PUM2: variants seen among roughly 807,000 people sequenced by gnomAD.
The protein encoded by PUM2 is pumilio homolog 2.
PUM2 carries 57 observed loss-of-function variants against 124.5 expected under a neutral mutation model. That is an observed-to-expected ratio of 0.46 (90% confidence interval 0.37 to 0.57). PUM2 has a LOEUF of 0.57. Ranked by LOEUF, PUM2 falls within the 20% of genes least tolerant of loss-of-function variation. The probability of loss-of-function intolerance (pLI) is 0.00; values close to 1 mark genes in which losing one functional copy is unlikely to be tolerated. For missense variants in PUM2, 1,065 were observed against 1,290.6 expected, an observed-to-expected ratio of 0.83 and a Z score of 2.68; for synonymous variants, 460 against 446.1, an observed-to-expected ratio of 1.03 and a Z score of -0.39.
intron 1 of PUM2, among the ~76,000 whole-genome samples, chr2:20,336,746 ATCTGTGTGTGTG>A (rs1316869443): frequency 2.3e-4 from 20 of 87,380 alleles, no homozygotes; most frequent in African/African-American, 7.7e-4. Flanking sequence ...GCCCAGGCTG[ATCTGTGTGTGTG>A]TGTGTGTGTG....
chr2:20,327,216 AT>A, intron 2 of PUM2, 93 bp downstream of exon 2: 1 of 826,732 alleles, frequency 1.2e-6, no homozygotes. Context: ...TATGACCACT[AT>A]TTCCAGGAAG....
At chr2:20,334,191 A>C (rs1156328884) in intron 1 of PUM2, among the ~76,000 whole-genome samples, 1 of 152,158 alleles carries the variant, frequency 6.6e-6, no homozygotes. Context: ...ATGCACCTGT[A>C]GTCCCAGCTA....
At chr2:20,350,373 G>A (rs891235254) in intron 1 of PUM2, 14 of 737,564 alleles carry the variant, frequency 1.9e-5, no homozygotes, top group South Asian at 6.1e-5. Context: ...GCGGGAAAGC[G>A]GCCGGCGCGG....
intron 3 of PUM2, among the ~76,000 whole-genome samples, chr2:20,317,335 T>C (rs1451935291): frequency 6.6e-6 from 1 of 152,186 alleles, no homozygotes; most frequent in East Asian, 1.9e-4. Context: ...ACTTATGAAG[T>C]TGAAATCAAA....
At chr2:20,329,299 G>C (rs571514333) in intron 1 of PUM2, among the ~76,000 whole-genome samples, 1 of 151,542 alleles carries the variant, frequency 6.6e-6, no homozygotes, top group South Asian at 2.1e-4. Flanking sequence ...TGTTTCGGTA[G>C]GGCATGCCTA....
intron 7 of PUM2, among the ~76,000 whole-genome samples, chr2:20,305,048 T>C (rs1677886465): frequency 6.6e-6 from 1 of 152,220 alleles, no homozygotes. Context: ...GGAATTGAGT[T>C]AAAATGTGGG....
chr2:20,327,511 G>A (rs1220204558), intron 1 of PUM2, 133 bp from the exon 2 acceptor site: 1 of 588,436 alleles, frequency 1.7e-6, no homozygotes, highest in African/African-American at 1.9e-5. Flanking sequence ...TTTCTGTAGG[G>A]AAGACAGGTT....
At position 20,311,614 on chromosome 2, in the gene PUM2, C is replaced by T; in HGVS notation, c.398G>A (p.Gly133Asp). 1.2e-6 allele frequency: 2 copies of T among 1,613,496 alleles called. No individual in the cohort carries two copies. The highest frequency in any genetic ancestry group is 1.7e-6 in the Non-Finnish European group (2 of 1,179,666). Residue 133 changes from glycine to aspartate, a missense_variant, in exon 5 of 21, where the codon GGC (glycine) becomes GAC (aspartate). By Grantham distance (94) the Gly-to-Asp change is moderately conservative. Transcript: ENST00000361078. Reference sequence around the variant, plus strand: ...GTCCTCCTCAAATGGAGAAGCCTTGCCTTTTTGATCTCCTTTCTCAGGTCC... The same window carrying T: ...GTCCTCCTCAAATGGAGAAGCCTTGTCTTTTTGATCTCCTTTCTCAGGTCC... ...TDGPEKGDQK[G>D]KASPFEEDQN... is the part of the protein sequence containing the mutation.
At position 20,251,414 on chromosome 2, in the gene PUM2, C is replaced by T. The variant is rs571002953; in HGVS notation, c.*171G>A. 3 of 770,296 alleles carry T rather than the reference C, an allele frequency of 3.9e-6. No homozygotes were observed. The highest frequency in any genetic ancestry group is 5.9e-5 in the East Asian group (2 of 33,642). The allele number at this position is 770,296 out of a possible 1,614,324, so 47.7% of individuals were successfully genotyped here. The stretch of plus-strand genomic sequence containing the variant: ...AATTTATAATTCATCCCCCACCCCC[C>T]AAATATACACAAGAACCTTAAAAAA... On this transcript the variant is annotated 3_prime_UTR_variant, in exon 21 of 21. Coordinates refer to ENST00000361078, the MANE Select transcript of PUM2 (RefSeq NM_015317.5).
At chr2:20,324,667 G>A (rs1462814505) in intron 2 of PUM2, among the ~76,000 whole-genome samples, 1 of 152,104 alleles carries the variant, frequency 6.6e-6, no homozygotes, top group Non-Finnish European at 1.5e-5. Context: ...AAATCAGTAG[G>A]TCTTTCGACA....
intron 8 of PUM2, among the ~76,000 whole-genome samples, chr2:20,296,732 C>T (rs1675694941): frequency 6.6e-6 from 1 of 152,080 alleles, no homozygotes. Context: ...TAAACAATGC[C>T]TCAGACTAAC....
At position 20,318,610 on chromosome 2, in the gene PUM2, A is replaced by G; in HGVS notation, c.87T>C (p.Asp29=). The part of the protein sequence containing the change: ...LPTKKFWEPD[D]STKDGQKGIF... ...TGCCTTTTTGTCCATCTTTTGTTGA[A>G]TCATCAGGTTCCCAAAACTTTTTGG... The change falls in exon 3 of 21, where the codon GAT becomes GAC. Residue 29 remains aspartate, a synonymous_variant. Coordinates refer to ENST00000361078, the MANE Select transcript of PUM2 (RefSeq NM_015317.5). The G allele has an allele frequency of 6.2e-7, 1 of 1,613,648 alleles. No homozygotes were observed. The highest frequency in any genetic ancestry group is 8.5e-7 in the Non-Finnish European group (1 of 1,179,934).
chr2:20,294,539 C>T (rs1174551853), intron 8 of PUM2, 21 bp from the exon 9 acceptor site: 1 of 1,570,536 alleles, frequency 6.4e-7, no homozygotes, highest in African/African-American at 1.4e-5. Flanking sequence ...CACCCGACCC[C>T]CGAATAAAAA....
intron 3 of PUM2, among the ~76,000 whole-genome samples, chr2:20,313,884 T>C (rs945997583): frequency 1.4e-5 from 2 of 144,950 alleles, no homozygotes; most frequent in African/African-American, 5.1e-5. Flanking sequence ...GACTCACTCC[T>C]GTAATCCCAG....
intron 1 of PUM2, among the ~76,000 whole-genome samples, chr2:20,346,093 C>A (rs2149140880): frequency 6.6e-6 from 1 of 152,188 alleles, no homozygotes; most frequent in Middle Eastern, 3.4e-3. Context: ...CTAAGACTCT[C>A]CTTTGGAAAA....
intron 16 of PUM2, 74 bp from the exon 17 acceptor site, chr2:20,256,244 A>G: frequency 7.4e-7 from 1 of 1,353,968 alleles, no homozygotes; most frequent in Non-Finnish European, 9.8e-7. Flanking sequence ...CTCAGTATTA[A>G]AAATTAAAAA....
chr2:20,293,942 T>G (rs900812505), intron 9 of PUM2, among the ~76,000 whole-genome samples: 7 of 152,106 alleles, frequency 4.6e-5, no homozygotes, highest in African/African-American at 1.7e-4. Context: ...AAGCTAACCT[T>G]TAGTGAAAAT....
upstream of PUM2, among the ~76,000 whole-genome samples, chr2:20,351,449 T>C (rs552377758): frequency 6.6e-6 from 1 of 152,322 alleles, no homozygotes; most frequent in South Asian, 2.1e-4. Flanking sequence ...TCTCAGCAAA[T>C]TGTCGGCCCC....
chr2:20,295,948 A>AT (rs1675425801), intron 8 of PUM2, among the ~76,000 whole-genome samples: 1 of 152,182 alleles, frequency 6.6e-6, no homozygotes, highest in Non-Finnish European at 1.5e-5. Flanking sequence ...AATACATAGA[A>AT]TGCTTATACA....
Sources: gnomAD v4.1 joint callset for allele counts (sites outside exome capture counted in the v4.1 genomes callset) on GRCh38, gnomAD v4.1.1 for gene constraint, MANE v1.5 for transcripts, NCBI Gene and HGNC (gene_info 2026-07-23, HGNC 2026-07-21) for gene names.